The following SMC4 variants were observed in gnomAD, a reference collection of about 807,000 sequenced individuals.
The protein encoded by SMC4 is structural maintenance of chromosomes protein 4.
A neutral mutation model predicts 145.6 loss-of-function variants in SMC4; 87 were observed. The observed-to-expected ratio is 0.60, with a 90% CI of 0.50 to 0.71. SMC4 has a LOEUF of 0.71. Ranked by LOEUF, SMC4 falls within the 30% of genes least tolerant of loss-of-function variation. The probability of loss-of-function intolerance (pLI) is 0.00; values close to 1 mark genes in which losing one functional copy is unlikely to be tolerated. For synonymous variants in SMC4, 558 were observed against 500.7 expected (o/e 1.11, Z -1.53); for missense variants, 1,447 against 1,537.1 (o/e 0.94, Z 0.98).
intron 9 of SMC4, 61 bp from the exon 10 acceptor site, chr3:160,416,190 A>G (rs1272781611): frequency 2.1e-5 from 26 of 1,214,472 alleles, no homozygotes; most frequent in East Asian, 7.5e-5. Context: ...AATATGTCAA[A>G]TATTGATAGT....
chr3:160,417,603 T>C, intron 10 of SMC4, 120 bp from the exon 11 acceptor site: 1 of 804,342 alleles, frequency 1.2e-6, no homozygotes, highest in South Asian at 1.6e-5. Context: ...ATTTCTTATT[T>C]CTATATACTG....
chr3:160,420,905 G>A lies in SMC4; in HGVS notation c.2019+4G>A, dbSNP rs774679117. ...AACCTTTATAGGTTTAGATAAGGTG[G>A]GTATTCGTAATAACCTACCTATAAT... On this transcript the variant is annotated splice_donor_region_variant and intron_variant, in intron 13 of 23. Transcript: ENST00000357388. The A allele has an allele frequency of 6.3e-7, 1 of 1,592,934 alleles. No homozygotes were observed. Among genetic ancestry groups the A allele is most frequent in the Admixed American group, 1.8e-5 (1 of 55,572 alleles).
chr3:160,423,897 A>T (rs765716911), intron 15 of SMC4, 57 bp downstream of exon 15: 6 of 1,376,798 alleles, frequency 4.4e-6, no homozygotes, highest in Non-Finnish European at 5.9e-6. Context: ...AGCTTTACCG[A>T]GGTATATACT....
intron 5 of SMC4, among the ~76,000 whole-genome samples, chr3:160,411,607 T>C (rs1007620133): frequency 1.3e-5 from 2 of 152,188 alleles, no homozygotes; most frequent in Admixed American, 6.5e-5. Context: ...AAACAAGTTT[T>C]ATTTATTTAT....
intron 9 of SMC4, 148 bp downstream of exon 9, chr3:160,414,665 T>C: frequency 1.2e-6 from 1 of 851,080 alleles, no homozygotes; most frequent in Non-Finnish European, 1.8e-6. Flanking sequence ...TTTTACCCCC[T>C]CAAGGGAAAC....
intron 23 of SMC4, 126 bp downstream of exon 23, chr3:160,433,335 C>A: frequency 3.0e-6 from 2 of 662,050 alleles, no homozygotes; most frequent in Admixed American, 3.0e-5. Flanking sequence ...ATCTCCATCT[C>A]CTCTGGTATC....
At chr3:160,431,893 TA>T in intron 21 of SMC4, 68 bp downstream of exon 21, 1 of 1,472,970 alleles carries the variant, frequency 6.8e-7, no homozygotes, top group Non-Finnish European at 9.3e-7. Flanking sequence ...TTCTGATCTT[TA>T]GTTTTGTATA....
intron 2 of SMC4, among the ~76,000 whole-genome samples, chr3:160,401,199 T>A (rs1047091706): frequency 6.6e-6 from 1 of 151,938 alleles, no homozygotes; most frequent in Non-Finnish European, 1.5e-5. Context: ...CAGTTGTGAA[T>A]TTTTGTTTGT....
intron 5 of SMC4, chr3:160,404,751 C>T (rs1199047064): frequency 1.6e-6 from 1 of 645,008 alleles, no homozygotes; most frequent in South Asian, 1.4e-5. Flanking sequence ...ACTTGTTCCA[C>T]TCTAGCAGCA....
chr3:160,414,754 TGTC>T (rs1716412019), intron 9 of SMC4, among the ~76,000 whole-genome samples: 1 of 152,284 alleles, frequency 6.6e-6, no homozygotes, highest in East Asian at 1.9e-4. Flanking sequence ...CTCAGTCTGT[TGTC>T]CAGGCTAGCG....
At chr3:160,419,262 CTTTA>C (rs1349300975) in intron 11 of SMC4, 92 bp from the exon 12 acceptor site, 19 of 788,648 alleles carry the variant, frequency 2.4e-5, no homozygotes, top group Non-Finnish European at 3.4e-5. Context: ...GTCTTTCTTT[CTTTA>C]TTGTTATTAA....
chr3:160,407,165 TC>T (rs2108454986), intron 5 of SMC4, among the ~76,000 whole-genome samples: 1 of 152,326 alleles, frequency 6.6e-6, no homozygotes, highest in East Asian at 1.9e-4. Context: ...TTTTGTAAAC[TC>T]CTCAAAAGCT....
At chr3:160,414,161 G>C (rs1372080221) in intron 8 of SMC4, 1 of 576,820 alleles carries the variant, frequency 1.7e-6, no homozygotes, top group Admixed American at 2.2e-5. Flanking sequence ...CTCCAACTTA[G>C]AAAGGCAAAA....
chr3:160,423,521 C>T lies in SMC4; in HGVS notation c.2116C>T (p.Gln706Ter), dbSNP rs1717428293. 6.2e-7 allele frequency: 1 copy of T among 1,613,480 alleles called. No homozygotes were observed. The highest frequency in any genetic ancestry group is 8.5e-7 in the Non-Finnish European group (1 of 1,179,744). ...LVKVKDEKIR[Q>*]AFYFALRDTL... ...AAAAGTAAAAGATGAGAAAATTCGC[C>T]AAGCTTTTTATTTTGCTTTACGAGA... Residue 706 changes from glutamine (Q) to a stop codon, truncating the protein, a stop_gained, in exon 14 of 24, where the codon CAA (glutamine) becomes TAA (stop). Coordinates refer to ENST00000357388, the MANE Select transcript of SMC4 (RefSeq NM_001002800.3). LOFTEE classifies it high-confidence loss of function.
intron 5 of SMC4, among the ~76,000 whole-genome samples, chr3:160,406,647 T>A (rs1263076826): frequency 6.6e-6 from 1 of 152,152 alleles, no homozygotes; most frequent in African/African-American, 2.4e-5. Flanking sequence ...GCAAAAGTAA[T>A]CTAAATTTAG....
Position 160,434,467 on chromosome 3 carries a change from C to T in SMC4, c.*658C>T, listed in dbSNP as rs1718771142. 6.6e-6 allele frequency: 1 copy of T among 152,182 alleles called. No homozygotes were observed. Among genetic ancestry groups the T allele is most frequent in the African/African-American group, 2.4e-5 (1 of 41,432 alleles). 9.4% of individuals were successfully genotyped at this position (152,182 alleles called of 1,614,324 possible). Reference sequence around the variant, plus strand: ...ATGAAGTAAGATGGCCTCTGATTTACACTGGTTCAATTTACAAATTTTCAA... The same window carrying T: ...ATGAAGTAAGATGGCCTCTGATTTATACTGGTTCAATTTACAAATTTTCAA... On this transcript the variant is annotated 3_prime_UTR_variant, in exon 24 of 24. Coordinates refer to ENST00000357388, the MANE Select transcript of SMC4 (RefSeq NM_001002800.3).
At chr3:160,417,455 C>CA (rs1320569069) in intron 10 of SMC4, among the ~76,000 whole-genome samples, 1 of 152,108 alleles carries the variant, frequency 6.6e-6, no homozygotes, top group Non-Finnish European at 1.5e-5. Flanking sequence ...ATGTTAATGA[C>CA]AAAGCTAGGC....
intron 10 of SMC4, 82 bp from the exon 11 acceptor site, chr3:160,417,641 G>T: frequency 1.9e-6 from 2 of 1,070,882 alleles, no homozygotes; most frequent in South Asian, 1.4e-5. Context: ...TTCTTAAATC[G>T]AATATAAAAT....
rs757595490 is a variant in SMC4, at chr3:160,414,342, A to G, written c.1122-25A>G. 8 of 1,560,208 alleles carry G rather than the reference A, an allele frequency of 5.1e-6. No homozygotes were observed. The South Asian group carries it at 9.0e-5, about 17-fold the overall frequency. On this transcript the variant is annotated intron_variant, in intron 8 of 23. Transcript: ENST00000357388. ...AAATATGTGCACATTCAAAATAATG[A>G]CTTACAATATACTTGCTTTGCTAGG...
Sources: gnomAD v4.1 joint callset for allele counts (sites outside exome capture counted in the v4.1 genomes callset) on GRCh38, gnomAD v4.1.1 for gene constraint, MANE v1.5 for transcripts, NCBI Gene and HGNC (gene_info 2026-07-23, HGNC 2026-07-21) for gene names.